The following RALGAPA1 variants were observed in gnomAD, a reference collection of about 807,000 sequenced individuals.
RALGAPA1 encodes the protein Ral GTPase activating protein catalytic subunit alpha 1.
Under a neutral mutation model 269.6 loss-of-function variants are expected in RALGAPA1, and 52 were observed. That is an observed-to-expected ratio of 0.19 (90% CI 0.15 to 0.24). The LOEUF (loss-of-function observed/expected upper bound fraction) is 0.24, where lower values mean the gene tolerates loss of function less well. Among genes scored for constraint, RALGAPA1 ranks in the 10% least tolerant of loss-of-function variants. RALGAPA1 has a pLI of 1.00. For missense variants in RALGAPA1, 1,917 were observed against 3,013.9 expected (o/e 0.64, Z 8.52); for synonymous variants, 817 against 1,008.3 (o/e 0.81, Z 3.60).
intron 19 of RALGAPA1, 22 bp from the exon 20 acceptor site, chr14:35,685,167 T>G (rs1163674162): frequency 2.6e-6 from 4 of 1,539,924 alleles, no homozygotes; most frequent in Non-Finnish European, 2.6e-6. Flanking sequence ...AGAAATATTT[T>G]ACCATTAAGA....
intron 41 of RALGAPA1, 47 bp from the exon 42 acceptor site, chr14:35,539,737 C>A: frequency 6.2e-7 from 1 of 1,600,276 alleles, no homozygotes. Context: ...AGCCTCTCAT[C>A]CCCTGAGAAA....
intron 22 of RALGAPA1, among the ~76,000 whole-genome samples, chr14:35,675,142 A>G (rs2140282798): frequency 6.6e-6 from 1 of 152,336 alleles, no homozygotes; most frequent in East Asian, 1.9e-4. Flanking sequence ...TTGTAGCTAC[A>G]TCCCAGACCA....
intron 1 of RALGAPA1, among the ~76,000 whole-genome samples, chr14:35,804,329 G>C (rs1006377303): frequency 1.3e-4 from 19 of 150,158 alleles, no homozygotes; most frequent in Non-Finnish European, 2.7e-4. Flanking sequence ...CCAGCACTTT[G>C]GAAGGCTGAG....
Position 35,678,093 on chromosome 14 carries a change from C to T in RALGAPA1, c.4481G>A (p.Ser1494Asn). Residue 1494 changes from serine (S) to asparagine (N), a missense_variant, in exon 22 of 42, where the codon AGT (serine) becomes AAT (asparagine). Physicochemically the swap from Ser to Asn is conservative, Grantham distance 46 (BLOSUM62 1). Around this residue, in one of 11 missense-constraint regions of RALGAPA1, gnomAD observed 615 missense variants for 790.0 expected, o/e 0.78. Coordinates refer to ENST00000680220, the MANE Select transcript of RALGAPA1 (RefSeq NM_001346249.2). ...CAGAGGTGAGTGGACTGGGGAAGCACTTTCTGAACCTGTAAATATAATTTC... is the reference window on the plus strand; with the variant it reads ...CAGAGGTGAGTGGACTGGGGAAGCATTTTCTGAACCTGTAAATATAATTTC... ...AEVATITGSE[S>N]ASPVHSPLGS... 2 of 1,601,224 alleles carry T rather than the reference C, an allele frequency of 1.2e-6. No homozygotes were observed. The highest frequency in any genetic ancestry group is 1.7e-6 in the Non-Finnish European group (2 of 1,177,062).
chr14:35,786,027 C>T (rs1302267660), intron 1 of RALGAPA1, among the ~76,000 whole-genome samples: 3 of 151,966 alleles, frequency 2.0e-5, no homozygotes, highest in Admixed American at 1.3e-4. Context: ...CGTGGTAGTG[C>T]ACACCTATGG....
chr14:35,784,246 G>A (rs1171735650), intron 1 of RALGAPA1, among the ~76,000 whole-genome samples: 1 of 152,030 alleles, frequency 6.6e-6, no homozygotes, highest in Non-Finnish European at 1.5e-5. Flanking sequence ...TGAATGGATA[G>A]ACAAAATATG....
intron 27 of RALGAPA1, among the ~76,000 whole-genome samples, chr14:35,662,529 T>C (rs2063609389): frequency 6.6e-6 from 1 of 152,196 alleles, no homozygotes. Context: ...AGATTTGTTT[T>C]TCATACAAAA....
chr14:35,765,465 TAA>T (rs953270898), intron 4 of RALGAPA1, among the ~76,000 whole-genome samples: 3 of 152,038 alleles, frequency 2.0e-5, no homozygotes, highest in Non-Finnish European at 4.4e-5. Flanking sequence ...TTAATATTGA[TAA>T]ATATTGTGTG....
intron 6 of RALGAPA1, among the ~76,000 whole-genome samples, chr14:35,759,755 CA>C (rs1415240427): frequency 2.6e-5 from 4 of 151,196 alleles, no homozygotes; most frequent in African/African-American, 7.3e-5. Context: ...ACTAAAAATA[CA>C]AAAAAATTAG....
chr14:35,770,816 G>A (rs2074555382), intron 4 of RALGAPA1, 126 bp downstream of exon 4: 3 of 381,454 alleles, frequency 7.9e-6, no homozygotes, highest in Middle Eastern at 1.4e-3. Context: ...ATCTGTTCTT[G>A]TATTCTTTAT....
chr14:35,655,697 A>G, intron 29 of RALGAPA1, 110 bp downstream of exon 29: 13 of 1,389,748 alleles, frequency 9.4e-6, no homozygotes, highest in Non-Finnish European at 1.3e-5. Flanking sequence ...ATAGAATAAT[A>G]AAGTAATGAA....
intron 4 of RALGAPA1, chr14:35,765,730 A>G (rs2074088022): frequency 2.9e-6 from 1 of 345,406 alleles, no homozygotes; most frequent in Non-Finnish European, 5.4e-6. Context: ...TCCTGGGCTC[A>G]GGTGATCCAC....
At chr14:35,559,599 C>G (rs181611233) in intron 39 of RALGAPA1, among the ~76,000 whole-genome samples, 29 of 152,260 alleles carry the variant, frequency 1.9e-4, no homozygotes, top group African/African-American at 6.7e-4. Context: ...TTTGTCCGTG[C>G]CCTGATGGAG....
intron 1 of RALGAPA1, among the ~76,000 whole-genome samples, chr14:35,793,541 G>T (rs557327944): frequency 2.7e-4 from 41 of 151,942 alleles, no homozygotes; most frequent in African/African-American, 8.4e-4. Context: ...GCTCTCCAAG[G>T]TCTATTTCTA....
chr14:35,686,452 A>T (rs2065941299), intron 19 of RALGAPA1, 90 bp downstream of exon 19: 1 of 943,142 alleles, frequency 1.1e-6, no homozygotes, highest in African/African-American at 1.7e-5. Context: ...AAAAATTCCC[A>T]TATATAAATT....
chr14:35,614,779 GA>G (rs978256645), intron 35 of RALGAPA1, among the ~76,000 whole-genome samples: 28 of 151,550 alleles, frequency 1.8e-4, no homozygotes, highest in South Asian at 8.3e-4. Flanking sequence ...AATTGTGAAA[GA>G]AAAAAAACTC....
At chr14:35,717,341 GGATTTCACC>G (rs1273326341) in intron 16 of RALGAPA1, among the ~76,000 whole-genome samples, 1 of 152,058 alleles carries the variant, frequency 6.6e-6, no homozygotes, top group East Asian at 1.9e-4. Context: ...AGTAGAAATG[GGATTTCACC>G]ATATTAGCCA....
intron 39 of RALGAPA1, among the ~76,000 whole-genome samples, chr14:35,568,491 T>A (rs543064552): frequency 5.9e-5 from 9 of 152,262 alleles, no homozygotes; most frequent in African/African-American, 2.2e-4. Context: ...TCTTGTTTTG[T>A]TTAAAGGAAA....
chr14:35,644,798 A>T (rs2062282816), intron 31 of RALGAPA1, among the ~76,000 whole-genome samples: 1 of 152,136 alleles, frequency 6.6e-6, no homozygotes, highest in Admixed American at 6.5e-5. Context: ...GCATCAGGAC[A>T]AACAGCTAAT....
Sources: allele counts gnomAD v4.1 joint callset (sites outside exome capture counted in the v4.1 genomes callset), GRCh38; gene constraint gnomAD v4.1.1; regional missense constraint gnomAD v4.1.1; transcripts MANE v1.5; gene names NCBI Gene and HGNC (gene_info 2026-07-23, HGNC 2026-07-21).